Variants in VPS13B observed in about 807,000 individuals in gnomAD.
VPS13B encodes intermembrane lipid transfer protein VPS13B.
A neutral mutation model predicts 426.4 loss-of-function variants in VPS13B; 285 were observed. That is an observed-to-expected ratio of 0.67 (90% CI 0.61 to 0.74). The LOEUF is 0.74. Among genes scored for constraint, VPS13B ranks in the 30% least tolerant of loss-of-function variants. The probability of loss-of-function intolerance (pLI) is 0.00; values close to 1 mark genes in which losing one functional copy is unlikely to be tolerated. For missense variants in VPS13B, 4,537 were observed against 4,782.6 expected, an observed-to-expected ratio of 0.95 and a Z score of 1.51; for synonymous variants, 1,676 against 1,676.4, an observed-to-expected ratio of 1.00 and a Z score of 0.01.
chr8:99,448,433 A>T (rs1818034740), intron 23 of VPS13B, among the ~76,000 whole-genome samples: 1 of 152,130 alleles, frequency 6.6e-6, no homozygotes, highest in Non-Finnish European at 1.5e-5. Flanking sequence ...ATAGAAATTA[A>T]CTTCTTATGA....
intron 17 of VPS13B, among the ~76,000 whole-genome samples, chr8:99,271,069 G>A (rs556024717): frequency 3.9e-5 from 6 of 152,020 alleles, no homozygotes; most frequent in South Asian, 4.2e-4. Flanking sequence ...TGTGTTTGCC[G>A]AATAAATGAA....
At chr8:99,315,397 T>G (rs1447285401) in intron 19 of VPS13B, among the ~76,000 whole-genome samples, 1 of 152,060 alleles carries the variant, frequency 6.6e-6, no homozygotes, top group Non-Finnish European at 1.5e-5. Context: ...TGCTGGATTT[T>G]TTTCTTGTGC....
At chr8:99,867,000 C>T (rs117339096) in intron 58 of VPS13B, among the ~76,000 whole-genome samples, 347 of 152,338 alleles carry the variant, frequency 2.3e-3, no homozygotes, top group Non-Finnish European at 3.8e-3. Context: ...GGCTGGGAAA[C>T]AGGTCTGTTG....
chr8:99,586,846 A>C (rs1826325684), intron 33 of VPS13B, among the ~76,000 whole-genome samples: 2 of 152,088 alleles, frequency 1.3e-5, no homozygotes, highest in African/African-American at 4.8e-5. Flanking sequence ...TTTTTTTTAT[A>C]CTTTAAGTTC....
chr8:99,346,388 G>C (rs1349876598), intron 19 of VPS13B: 1 of 152,116 alleles, frequency 6.6e-6, no homozygotes, highest in Non-Finnish European at 1.5e-5. Flanking sequence ...TATGCTCCCA[G>C]CTTGCCATGG....
At chr8:99,199,008 G>A (rs1814124864) in intron 17 of VPS13B, among the ~76,000 whole-genome samples, 1 of 152,106 alleles carries the variant, frequency 6.6e-6, no homozygotes, top group African/African-American at 2.4e-5. Context: ...TCATTACATA[G>A]TACTCAGCAC....
At chr8:99,820,674 T>G (rs1814306476) in intron 49 of VPS13B, among the ~76,000 whole-genome samples, 1 of 152,096 alleles carries the variant, frequency 6.6e-6, no homozygotes, top group Non-Finnish European at 1.5e-5. Flanking sequence ...CAGGAAAATT[T>G]TATATTTCTG....
At chr8:99,097,857 G>GA (rs200031411) in intron 4 of VPS13B, among the ~76,000 whole-genome samples, 4,166 of 151,790 alleles carry the variant, frequency 0.027, 76 homozygotes, top group Non-Finnish European at 0.043. Context: ...ATCAAGCAGG[G>GA]AAAAAAAATC....
chr8:99,713,558 G>A (rs1832792114), intron 36 of VPS13B, among the ~76,000 whole-genome samples: 1 of 152,138 alleles, frequency 6.6e-6, no homozygotes, highest in African/African-American at 2.4e-5. Context: ...TGCATTCATG[G>A]TTTTTAATGT....
At chr8:99,088,201 A>T (rs2132403160) in intron 3 of VPS13B, among the ~76,000 whole-genome samples, 1 of 152,048 alleles carries the variant, frequency 6.6e-6, no homozygotes, top group East Asian at 1.9e-4. Flanking sequence ...AAAAAAAAAA[A>T]AATTGAATTT....
intron 19 of VPS13B, among the ~76,000 whole-genome samples, chr8:99,304,976 T>C (rs549234412): frequency 6.6e-6 from 1 of 152,282 alleles, no homozygotes; most frequent in Admixed American, 6.5e-5. Context: ...TCCCATCATG[T>C]GGAACGATTT....
At chr8:99,856,696 C>T (rs1474906580) in intron 56 of VPS13B, among the ~76,000 whole-genome samples, 2 of 152,052 alleles carry the variant, frequency 1.3e-5, no homozygotes, top group African/African-American at 4.8e-5. Flanking sequence ...AAAAAATTAG[C>T]CAGGTGTGGG....
chr8:99,760,767 T>A (rs1810888285), intron 39 of VPS13B, among the ~76,000 whole-genome samples: 1 of 152,208 alleles, frequency 6.6e-6, no homozygotes, highest in African/African-American at 2.4e-5. Flanking sequence ...ATCAAAAATA[T>A]TCAAGAAAAG....
At chr8:99,103,746 G>A (rs764090512) in intron 5 of VPS13B, among the ~76,000 whole-genome samples, 20 of 151,846 alleles carry the variant, frequency 1.3e-4, no homozygotes, top group African/African-American at 4.1e-4. Context: ...TGATCCACCC[G>A]CCTCCGCCTT....
In VPS13B at chr8:99,431,655, C is replaced by T. The variant is rs767929598; in HGVS notation, c.3201C>T (p.Leu1067=). 6.2e-7 allele frequency: 1 copy of T among 1,612,878 alleles called. No individual in the cohort carries two copies. Among genetic ancestry groups the T allele is most frequent in the East Asian group, 2.2e-5 (1 of 44,730 alleles). Residue 1067 remains leucine, a synonymous_variant, in exon 22 of 62, where the codon CTC becomes CTT. Coordinates refer to ENST00000357162, the MANE Select transcript of VPS13B (RefSeq NM_152564.5). The part of the protein sequence containing the change: ...IGIVWNAVKH[L]TLQLEVQSCC... ...TTGTTTGGAATGCAGTGAAGCATCTCACACTACAGGTAAAATAAAAGTTAG... is the reference window on the plus strand; with the variant it reads ...TTGTTTGGAATGCAGTGAAGCATCTTACACTACAGGTAAAATAAAAGTTAG...
At chr8:99,687,074 G>A (rs1416173621) in intron 35 of VPS13B, among the ~76,000 whole-genome samples, 4 of 151,988 alleles carry the variant, frequency 2.6e-5, no homozygotes, top group African/African-American at 4.8e-5. Context: ...TCAGTCAGCA[G>A]GTGATGAATC....
intron 6 of VPS13B, among the ~76,000 whole-genome samples, chr8:99,113,438 T>C (rs1396801721): frequency 6.6e-6 from 1 of 152,160 alleles, no homozygotes; most frequent in East Asian, 1.9e-4. Flanking sequence ...TGTTAAGATT[T>C]GCCATTTTGG....
At chr8:99,441,425 A>T (rs947831784) in intron 22 of VPS13B, among the ~76,000 whole-genome samples, 1 of 152,092 alleles carries the variant, frequency 6.6e-6, no homozygotes, top group Non-Finnish European at 1.5e-5. Context: ...TGTATGAATT[A>T]AAAAAATTAT....
intron 61 of VPS13B, 62 bp downstream of exon 61, chr8:99,871,759 G>A (rs1817427944): frequency 2.5e-6 from 4 of 1,609,394 alleles, no homozygotes; most frequent in Non-Finnish European, 2.5e-6. Flanking sequence ...GAGCAGGCTG[G>A]TCACTGGTAC....
Sources: gnomAD v4.1 joint callset for allele counts (sites outside exome capture counted in the v4.1 genomes callset) on GRCh38, gnomAD v4.1.1 for gene constraint, MANE v1.5 for transcripts, NCBI Gene and HGNC (gene_info 2026-07-23, HGNC 2026-07-21) for gene names.